RAD52: variants seen among roughly 807,000 people sequenced by gnomAD.
RAD52 encodes the protein RAD52 DNA repair protein.
Under a neutral mutation model 55.5 loss-of-function variants are expected in RAD52, and 47 were observed. The observed-to-expected ratio is 0.85, with a 90% CI of 0.67 to 1.08. RAD52 has a LOEUF of 1.08. RAD52 is among the 50% of genes least tolerant of loss of function. RAD52 has a pLI of 0.00. For synonymous variants in RAD52, 184 were observed against 198.9 expected (o/e 0.92, Z 0.63); for missense variants, 468 against 522.8 (o/e 0.90, Z 1.02).
chr12:966,908 TA>T (rs1007450142), intron 1 of RAD52, among the ~76,000 whole-genome samples: 23 of 147,940 alleles, frequency 1.6e-4, no homozygotes, highest in East Asian at 3.9e-4. Context: ...CGTCACAAGG[TA>T]AAAAAAAAAA....
At chr12:930,209 A>G (rs1195551294) in intron 3 of RAD52, 65 bp from the exon 4 acceptor site, 13 of 1,252,334 alleles carry the variant, frequency 1.0e-5, no homozygotes, top group Non-Finnish European at 1.4e-5. Context: ...AATGTGAATC[A>G]AAATTGACAT....
intron 1 of RAD52, among the ~76,000 whole-genome samples, chr12:957,040 A>G (rs1354602827): frequency 2.0e-5 from 3 of 152,234 alleles, no homozygotes; most frequent in African/African-American, 7.2e-5. Context: ...ACCTGATAAA[A>G]GGAGAGAAGC....
At chr12:955,255 C>A (rs1958588423) in intron 1 of RAD52, among the ~76,000 whole-genome samples, 1 of 152,108 alleles carries the variant, frequency 6.6e-6, no homozygotes, top group African/African-American at 2.4e-5. Flanking sequence ...AAATAGAGGA[C>A]AAAGCATAAG....
intron 1 of RAD52, among the ~76,000 whole-genome samples, chr12:939,928 AGGTG>A (rs1957833895): frequency 6.6e-6 from 1 of 152,084 alleles, no homozygotes; most frequent in South Asian, 2.1e-4. Flanking sequence ...TACAAAAATT[AGGTG>A]GGCGTGGTTG....
chr12:945,617 T>C (rs1481902955), intron 1 of RAD52, among the ~76,000 whole-genome samples: 1 of 151,218 alleles, frequency 6.6e-6, no homozygotes, highest in African/African-American at 2.4e-5. Flanking sequence ...GTACTTTTAG[T>C]AGAGGCAGGG....
intron 5 of RAD52, among the ~76,000 whole-genome samples, chr12:927,769 G>C (rs569209134): frequency 2.4e-4 from 37 of 152,228 alleles, no homozygotes; most frequent in African/African-American, 8.9e-4. Context: ...AGGAGACTGA[G>C]GCAGGAGAAT....
chr12:913,141 T>C lies in RAD52; in HGVS notation c.*250A>G, dbSNP rs1187942751. The C allele has an allele frequency of 7.2e-6, 3 of 417,750 alleles. No individual in the cohort carries two copies. Among genetic ancestry groups the C allele is most frequent in the Non-Finnish European group, 1.3e-5 (3 of 237,054 alleles). 25.9% of individuals were successfully genotyped at this position (417,750 alleles called of 1,614,324 possible). A position where few individuals can be genotyped will look rare whatever the true frequency, so the allele number is the denominator to read the frequency against. On this transcript the variant is annotated 3_prime_UTR_variant, in exon 12 of 12. Transcript: ENST00000358495. ...GTTCAGTAATAAATAGTGGGAAGCC[T>C]CACAAGCCGAAGAAAAGGTATTCAT...
chr12:982,656 C>CTTTTT lies in RAD52; in HGVS notation c.-19+7148_-19+7152dup, dbSNP rs34866890. Among the ~76,000 whole-genome samples the CTTTTT allele has an allele frequency of 1.4e-3, 123 of 86,370 alleles. 2 individuals are homozygous for CTTTTT. Among genetic ancestry groups the CTTTTT allele is most frequent in the East Asian group, 2.1e-3 (7 of 3,260 alleles). The allele number at this position is 86,370 out of a possible 152,430, so 56.7% of individuals were successfully genotyped here. Reference sequence around the variant, plus strand: ...AACAATCTCTTCAAGACAATCTAGACTTTTTTTTTTTTTTTTTTTTGGCGG... The same window carrying CTTTTT: ...AACAATCTCTTCAAGACAATCTAGACTTTTTTTTTTTTTTTTTTTTTTTTTGGCGG... On this transcript the variant is annotated intron_variant, in intron 1 of 11. Coordinates refer to the RAD52 transcript ENST00000430095.
intron 1 of RAD52, among the ~76,000 whole-genome samples, chr12:980,218 G>A (rs1473034918): frequency 6.6e-6 from 1 of 151,830 alleles, no homozygotes; most frequent in African/African-American, 2.4e-5. Context: ...GGGGAGGGAA[G>A]AGAGTTATTT....
At position 914,028 on chromosome 12, in the gene RAD52, G is replaced by T; in HGVS notation, c.1061C>A (p.Thr354Asn). 6.2e-7 allele frequency: 1 copy of T among 1,614,176 alleles called. No homozygotes were observed. The highest frequency in any genetic ancestry group is 8.5e-7 in the Non-Finnish European group (1 of 1,180,030). The change falls in exon 11 of 12, where the codon ACC becomes AAC. Residue 354 changes from threonine (T) to asparagine (N), a missense_variant. Thr to Asn is a moderately conservative substitution (Grantham distance 65). Transcript: ENST00000358495. ...KPSSRADPAQTSDTLALNNQM... is the reference protein window; with the variant it reads ...KPSSRADPAQNSDTLALNNQM... ...GTTGTTCAAGGCTAATGTGTCAGAG[G>T]TCTGGGCTGGGTCTGCTCTAGACGA...
In RAD52 at chr12:957,466, C is replaced by CAAA. The variant is rs71055109; in HGVS notation, c.-18-24393_-18-24391dup. Among the ~76,000 whole-genome samples the CAAA allele has an allele frequency of 3.2e-3, 141 of 43,746 alleles. 1 individual carries two copies. The highest frequency in any genetic ancestry group is 6.1e-3 in the South Asian group (6 of 984). 28.7% of individuals were successfully genotyped at this position (43,746 alleles called of 152,430 possible). On this transcript the variant is annotated intron_variant, in intron 1 of 11. Transcript: ENST00000430095. The stretch of plus-strand genomic sequence containing the variant: ...AGGCAACAAGAGTAAAACTTCGTCT[C>CAAA]AAAAAAAAAAAAAAAAAAAAAAAAG...
chr12:922,191 T>TAAAAAAAA (rs79763100), intron 7 of RAD52, among the ~76,000 whole-genome samples: 4 of 81,668 alleles, frequency 4.9e-5, no homozygotes, highest in Admixed American at 1.5e-4. Context: ...TAGGTTGGCT[T>TAAAAAAAA]AAAAAAAAAA....
At chr12:964,508 C>A (rs547546977) in intron 1 of RAD52, among the ~76,000 whole-genome samples, 1 of 151,964 alleles carries the variant, frequency 6.6e-6, no homozygotes, top group Admixed American at 6.6e-5. Flanking sequence ...GTGGAGGTGG[C>A]GGTGATCTGA....
At chr12:948,433 C>T (rs4344554) in intron 1 of RAD52, among the ~76,000 whole-genome samples, 110,754 of 152,002 alleles carry the variant, frequency 0.73, 40,600 homozygotes, top group Middle Eastern at 0.85. Context: ...GGTGTGGTGG[C>T]TCACACCTGT....
In RAD52 at chr12:912,718, G is replaced by C; in HGVS notation, c.*673C>G. 3.5e-5 allele frequency: 1 copy of C among 28,608 alleles called. No homozygotes were observed. Among genetic ancestry groups the C allele is most frequent in the Non-Finnish European group, 6.6e-5 (1 of 15,220 alleles). The allele number at this position is 28,608 out of a possible 1,614,324, so 1.8% of individuals were successfully genotyped here. A position where few individuals can be genotyped will look rare whatever the true frequency, so the allele number is the denominator to read the frequency against. ...AGTCAGGGCAACACAGCCAGACCCC[G>C]TCTCAAAAAAAAAAAAAAAAAAAAA... On this transcript the variant is annotated 3_prime_UTR_variant, in exon 12 of 12. Transcript: ENST00000358495.
chr12:916,203 C>G, intron 9 of RAD52, 141 bp downstream of exon 9: 1 of 1,449,842 alleles, frequency 6.9e-7, no homozygotes, highest in Non-Finnish European at 9.0e-7. Context: ...GGGCTCATCT[C>G]TCCTGCGTGT....
chr12:965,701 T>C (rs559429970), intron 1 of RAD52, among the ~76,000 whole-genome samples: 1 of 152,178 alleles, frequency 6.6e-6, no homozygotes, highest in South Asian at 2.1e-4. Flanking sequence ...TGGTTTTTTT[T>C]TCAAGACAGA....
intron 7 of RAD52, among the ~76,000 whole-genome samples, chr12:918,767 G>A (rs1226655751): frequency 6.6e-6 from 1 of 151,876 alleles, no homozygotes; most frequent in African/African-American, 2.4e-5. Flanking sequence ...GGATGGCAGT[G>A]ACTGCAAGGA....
At chr12:943,994 T>C (rs976437461) in intron 1 of RAD52, among the ~76,000 whole-genome samples, 2 of 151,624 alleles carry the variant, frequency 1.3e-5, no homozygotes, top group African/African-American at 4.8e-5. Context: ...GGCAGGCGGA[T>C]TGCATGAGGT....
Sources: allele counts gnomAD v4.1 joint callset (sites outside exome capture counted in the v4.1 genomes callset), GRCh38; gene constraint gnomAD v4.1.1; transcripts MANE v1.5; gene names NCBI Gene and HGNC (gene_info 2026-07-23, HGNC 2026-07-21).